Variants in SLC39A10 observed in about 807,000 individuals in gnomAD.
SLC39A10 encodes zinc transporter ZIP10.
Under a neutral mutation model 65.1 loss-of-function variants are expected in SLC39A10, and 13 were observed. The ratio of observed to expected loss-of-function variants is 0.20; its 90% CI spans 0.13 to 0.32. The LOEUF is 0.32. Among genes scored for constraint, SLC39A10 ranks in the 10% least tolerant of loss-of-function variants. The pLI is 1.00. For synonymous variants in SLC39A10, 321 were observed against 342.2 expected (o/e 0.94, Z 0.68); for missense variants, 831 against 1,018.4 (o/e 0.82, Z 2.50).
rs1692327064 is a variant in SLC39A10, at chr2:195,728,619, T to C, written c.2337+270T>C. On this transcript the variant is annotated intron_variant, in intron 9 of 9. Coordinates refer to ENST00000359634, the MANE Select transcript of SLC39A10 (RefSeq NM_020342.3). This position sits in a 1 kb window ranked among gnomAD's most constrained non-coding sequence, Gnocchi z 4.4. Reference sequence around the variant, plus strand: ...GAATTATTATACTACTTTAAAGACTTTGTAATATTGGTGTAGAAGTGTTTT... The same window carrying C: ...GAATTATTATACTACTTTAAAGACTCTGTAATATTGGTGTAGAAGTGTTTT... Among the ~76,000 whole-genome samples the C allele has an allele frequency of 6.6e-6, 1 of 152,124 alleles. No individual in the cohort carries two copies. The highest frequency in any genetic ancestry group is 1.5e-5 in the Non-Finnish European group (1 of 68,032).
chr2:195,626,836 T>C (rs980949650), intron 2 of SLC39A10, among the ~76,000 whole-genome samples: 2 of 152,124 alleles, frequency 1.3e-5, no homozygotes, highest in Non-Finnish European at 1.5e-5. Context: ...CCAAAAGACA[T>C]GATTTTTCTA....
chr2:195,657,906 G>C (rs1460264120), intron 1 of SLC39A10, among the ~76,000 whole-genome samples: 1 of 152,154 alleles, frequency 6.6e-6, no homozygotes, highest in South Asian at 2.1e-4. Context: ...GTTTTCTCCC[G>C]GACCAACCGA....
intron 9 of SLC39A10, among the ~76,000 whole-genome samples, chr2:195,732,485 A>G (rs1692460728): frequency 6.6e-6 from 1 of 152,244 alleles, no homozygotes; most frequent in African/African-American, 2.4e-5. Flanking sequence ...TATGACAAAC[A>G]GTGTGGGTGT....
At chr2:195,623,076 G>A (rs1688384950) in intron 2 of SLC39A10, among the ~76,000 whole-genome samples, 1 of 151,384 alleles carries the variant, frequency 6.6e-6, no homozygotes, top group Non-Finnish European at 1.5e-5. Context: ...CAGAGATAAT[G>A]TCACCAAGCA....
chr2:195,618,837 A>T (rs1484294481), intron 2 of SLC39A10, among the ~76,000 whole-genome samples: 1 of 152,156 alleles, frequency 6.6e-6, no homozygotes, highest in African/African-American at 2.4e-5. Flanking sequence ...TCACGCCTGT[A>T]ATCCCAGCAC....
At chr2:195,635,923 T>C (rs576457168) in intron 2 of SLC39A10, among the ~76,000 whole-genome samples, 1 of 152,316 alleles carries the variant, frequency 6.6e-6, no homozygotes, top group African/African-American at 2.4e-5. Flanking sequence ...AAGATCTGCA[T>C]AACTCAGTGA....
intron 1 of SLC39A10, among the ~76,000 whole-genome samples, chr2:195,663,705 A>T (rs969758529): frequency 6.5e-5 from 7 of 107,502 alleles, no homozygotes; most frequent in Non-Finnish European, 1.2e-4. Context: ...AAGTTATGAA[A>T]AAAAAAGAAA....
At chr2:195,694,701 T>C (rs1690873298) in intron 3 of SLC39A10, among the ~76,000 whole-genome samples, 2 of 152,210 alleles carry the variant, frequency 1.3e-5, no homozygotes, top group Non-Finnish European at 1.5e-5. Flanking sequence ...TAGTTTTGTT[T>C]GGCGCTCTGG....
chr2:195,735,174 T>C lies in SLC39A10; in HGVS notation c.*133T>C. On this transcript the variant is annotated 3_prime_UTR_variant, in exon 10 of 10. Coordinates refer to ENST00000359634, the MANE Select transcript of SLC39A10 (RefSeq NM_020342.3). ...CTTACAAGTTTCATAGATTTGAGCCTAACCACAAGAGGCTGGTGCTTAGTA... is the reference window on the plus strand; with the variant it reads ...CTTACAAGTTTCATAGATTTGAGCCCAACCACAAGAGGCTGGTGCTTAGTA... 1.1e-6 allele frequency: 1 copy of C among 912,236 alleles called. No individual in the cohort carries two copies. The highest frequency in any genetic ancestry group is 2.9e-5 in the East Asian group (1 of 34,786). The allele number at this position is 912,236 out of a possible 1,614,324, so 56.5% of individuals were successfully genotyped here.
At chr2:195,650,407 T>C (rs188304839) in intron 2 of SLC39A10, among the ~76,000 whole-genome samples, 1 of 152,282 alleles carries the variant, frequency 6.6e-6, no homozygotes, top group East Asian at 1.9e-4. Flanking sequence ...TTTGCTTTTG[T>C]TCATTCTTCT....
chr2:195,682,277 C>T (rs983908012), intron 2 of SLC39A10, among the ~76,000 whole-genome samples: 5 of 152,152 alleles, frequency 3.3e-5, no homozygotes, highest in Non-Finnish European at 7.4e-5. Flanking sequence ...AAAATGACCA[C>T]ATCCTTTTCT....
At chr2:195,673,176 C>T (rs1424152807) in intron 1 of SLC39A10, among the ~76,000 whole-genome samples, 1 of 152,058 alleles carries the variant, frequency 6.6e-6, no homozygotes, top group African/African-American at 2.4e-5. Context: ...GTTGACTAAA[C>T]TATTATTTAT....
chr2:195,705,747 A>C (rs1489244561), intron 3 of SLC39A10, among the ~76,000 whole-genome samples: 1 of 152,208 alleles, frequency 6.6e-6, no homozygotes, highest in African/African-American at 2.4e-5. Context: ...AATTTTAAAA[A>C]CTAATAACAT....
chr2:195,654,179 T>C (rs1257595051), upstream of SLC39A10, among the ~76,000 whole-genome samples: 1 of 152,174 alleles, frequency 6.6e-6, no homozygotes, highest in Non-Finnish European at 1.5e-5. Flanking sequence ...CCTCAGGTGA[T>C]CCGCCCACCT....
At chr2:195,622,727 C>A (rs564034699) in intron 2 of SLC39A10, among the ~76,000 whole-genome samples, 1 of 152,284 alleles carries the variant, frequency 6.6e-6, no homozygotes, top group Admixed American at 6.5e-5. Context: ...AATCCCAGCA[C>A]TTTGGGAGGC....
intron 2 of SLC39A10, among the ~76,000 whole-genome samples, chr2:195,650,178 C>T (rs1035339157): frequency 8.0e-5 from 12 of 150,508 alleles, no homozygotes; most frequent in African/African-American, 2.9e-4. Flanking sequence ...GCTACTCAGG[C>T]GGCTGAGGTG....
intron 2 of SLC39A10, among the ~76,000 whole-genome samples, chr2:195,650,456 T>G (rs1368290857): frequency 6.6e-6 from 1 of 152,046 alleles, no homozygotes; most frequent in African/African-American, 2.4e-5. Flanking sequence ...TGGTCTCATC[T>G]GTATTTTCGA....
intron 2 of SLC39A10, among the ~76,000 whole-genome samples, chr2:195,615,462 C>T (rs1453339467): frequency 1.3e-5 from 2 of 152,154 alleles, no homozygotes; most frequent in Non-Finnish European, 2.9e-5. Flanking sequence ...TATGACCGGC[C>T]ATCTGGCCAG....
At chr2:195,669,866 A>G (rs1689784340) in intron 1 of SLC39A10, among the ~76,000 whole-genome samples, 1 of 152,152 alleles carries the variant, frequency 6.6e-6, no homozygotes, top group African/African-American at 2.4e-5. Context: ...AATGTCTTTA[A>G]AAAAGGTTTT....
Sources: allele counts gnomAD v4.1 joint callset (sites outside exome capture counted in the v4.1 genomes callset), GRCh38; gene constraint gnomAD v4.1.1; non-coding constraint Gnocchi (gnomAD v3.1); transcripts MANE v1.5; gene names NCBI Gene and HGNC (gene_info 2026-07-23, HGNC 2026-07-21).